MMP21: variants seen among roughly 807,000 people sequenced by gnomAD.
MMP21 encodes matrix metallopeptidase 21, also known as matrix metalloproteinase-21.
A neutral mutation model predicts 47.8 loss-of-function variants in MMP21; 40 were observed. That is an observed-to-expected ratio of 0.84 (90% confidence interval 0.65 to 1.09). The LOEUF is 1.09. Ranked by LOEUF, MMP21 falls within the 50% of genes least tolerant of loss-of-function variation. The pLI, the probability that MMP21 is intolerant of heterozygous loss-of-function variation, is 0.00. For missense variants in MMP21, 747 were observed against 775.3 expected (o/e 0.96, Z 0.43); for synonymous variants, 341 against 318.0 (o/e 1.07, Z -0.77).
rs1554879226 is a variant in MMP21 at position 125,770,328 on chromosome 10, C to G, written c.1237+6G>C. The G allele has an allele frequency of 6.2e-7, 1 of 1,614,036 alleles. No individual in the cohort carries two copies. The highest frequency in any genetic ancestry group is 1.7e-5 in the Admixed American group (1 of 60,016). On this transcript the variant is annotated splice_donor_region_variant and intron_variant, in intron 5 of 6. Transcript: ENST00000368808. ...AGAAATAGAACCATCCATGAAGAAT[C>G]TGTACCTTGAAAAAAATAACGTTCA... is the stretch of plus-strand genomic sequence containing the variant.
chr10:125,768,213 T>G (rs1036590196), intron 5 of MMP21, among the ~76,000 whole-genome samples: 3 of 152,218 alleles, frequency 2.0e-5, no homozygotes, highest in African/African-American at 7.2e-5. Flanking sequence ...TTGAGTGTTT[T>G]AGAGTCCCCT....
At chr10:125,767,154 C>T (rs1358084028) in intron 6 of MMP21, among the ~76,000 whole-genome samples, 193 bp from the exon 7 acceptor site, 1 of 151,206 alleles carries the variant, frequency 6.6e-6, no homozygotes, top group African/African-American at 2.4e-5. Flanking sequence ...TTTTTTGGGC[C>T]CGGTCTCACT....
chr10:125,770,442 C>T lies in MMP21; in HGVS notation c.1129G>A (p.Gly377Arg), dbSNP rs147129223. ...CCAGTGAGGATTTGGATAGGGTCCC[C>T]ATAGCGTGTCCTATTGTTTCGATTT... Reference protein sequence around the residue: ...YENRNNRTRYGDPIQILTGWP... With the variant: ...YENRNNRTRYRDPIQILTGWP... The change falls in exon 5 of 7, where the codon GGG becomes AGG. Residue 377 changes from glycine to arginine, a missense_variant. By Grantham distance (125) the Gly-to-Arg change is moderately radical. Transcript: ENST00000368808. 6.2e-7 allele frequency: 1 copy of T among 1,614,210 alleles called. No individual in the cohort carries two copies.
At chr10:125,769,148 T>C (rs997920687) in intron 5 of MMP21, among the ~76,000 whole-genome samples, 1 of 152,190 alleles carries the variant, frequency 6.6e-6, no homozygotes, top group Non-Finnish European at 1.5e-5. Flanking sequence ...CTGTGCTGTC[T>C]GGTTTTGCAA....
chr10:125,769,819 GTTCA>G (rs1564762404), intron 5 of MMP21, among the ~76,000 whole-genome samples: 1 of 152,144 alleles, frequency 6.6e-6, no homozygotes, highest in African/African-American at 2.4e-5. Flanking sequence ...ACCTAGGAAA[GTTCA>G]TTCACTCATT....
At chr10:125,767,141 T>G (rs1329815401) in intron 6 of MMP21, among the ~76,000 whole-genome samples, 180 bp from the exon 7 acceptor site, 5 of 151,364 alleles carry the variant, frequency 3.3e-5, no homozygotes, top group African/African-American at 4.9e-5. Flanking sequence ...CGTTTTTTGT[T>G]TTTTTTTTGG....
intron 1 of MMP21, among the ~76,000 whole-genome samples, chr10:125,774,682 G>A (rs1048142959): frequency 6.6e-6 from 1 of 152,204 alleles, no homozygotes; most frequent in South Asian, 2.1e-4. Context: ...CCTAGGGCCG[G>A]AGGAGCAGGA....
Position 125,774,124 on chromosome 10 carries a change from C to T in MMP21, c.404G>A (p.Gly135Asp). 1 of 1,303,098 alleles carries T rather than the reference C, an allele frequency of 7.7e-7. No individual in the cohort carries two copies. Among genetic ancestry groups the T allele is most frequent in the Non-Finnish European group, 9.7e-7 (1 of 1,031,140 alleles). 80.7% of individuals were successfully genotyped at this position (1,303,098 alleles called of 1,614,324 possible). ...CCTGGAGCGGGCTCTGGGGGGCGGG[C>T]CCGGGGGCGAAGGCGGGGCGGAGGG... Reference protein sequence around the residue: ...PPPSAPPSPPGPPPRARSRRS... With the variant: ...PPPSAPPSPPDPPPRARSRRS... The change falls in exon 2 of 7, where the codon GGC (glycine) becomes GAC (aspartate). Residue 135 changes from glycine (G) to aspartate (D), a missense_variant. Physicochemically the swap from Gly to Asp is moderately conservative, Grantham distance 94. Coordinates refer to ENST00000368808, the MANE Select transcript of MMP21 (RefSeq NM_147191.1).
At chr10:125,768,455 C>G (rs985608567) in intron 5 of MMP21, among the ~76,000 whole-genome samples, 2 of 152,198 alleles carry the variant, frequency 1.3e-5, no homozygotes, top group Admixed American at 1.3e-4. Flanking sequence ...TTAGCTGCTT[C>G]TTGTTAGTTC....
rs1409755193 is a variant in MMP21, at chr10:125,772,996, T to C, written c.698-246A>G. On this transcript the variant is annotated intron_variant, in intron 2 of 6. Transcript: ENST00000368808. This position sits in a 1 kb window ranked among gnomAD's most constrained non-coding sequence, Gnocchi z 5.6. The stretch of plus-strand genomic sequence containing the variant: ...GGGAGCAGAGGGGAGCGGGGCTGGG[T>C]GAGAGCCCGGCTGGGGGCCTGGGAA... Among the ~76,000 whole-genome samples the C allele has an allele frequency of 2.0e-5, 3 of 152,038 alleles. No individual in the cohort carries two copies. The highest frequency in any genetic ancestry group is 7.2e-5 in the African/African-American group (3 of 41,394).
chr10:125,772,519 CGGACACTACATGAGAAAAGCTT>C lies in MMP21; in HGVS notation c.837+70_837+91del. On this transcript the variant is annotated intron_variant, in intron 3 of 6. Coordinates refer to ENST00000368808, the MANE Select transcript of MMP21 (RefSeq NM_147191.1). The surrounding 1 kb of genome is among the most constrained non-coding windows in gnomAD (Gnocchi z 5.6). ...CACGGATTCACCTCCTCAGAGGTTG[CGGACACTACATGAGAAAAGCTT>C]GGACTTTTTGGACGTCAGCCCATGA... 6.3e-7 allele frequency: 1 copy of C among 1,588,962 alleles called. No individual in the cohort carries two copies. The highest frequency in any genetic ancestry group is 8.6e-7 in the Non-Finnish European group (1 of 1,160,118).
chr10:125,768,556 G>A (rs1215106412), intron 5 of MMP21, among the ~76,000 whole-genome samples: 1 of 152,204 alleles, frequency 6.6e-6, no homozygotes, highest in Non-Finnish European at 1.5e-5. Flanking sequence ...ACCCCAAGCA[G>A]TACGTTCCTT....
intron 4 of MMP21, among the ~76,000 whole-genome samples, chr10:125,771,394 CTGTT>C (rs1850444139): frequency 6.6e-6 from 1 of 150,884 alleles, no homozygotes; most frequent in Admixed American, 6.6e-5. Flanking sequence ...GGGGTGGTCT[CTGTT>C]AGGGACTATT....
At chr10:125,767,998 C>T (rs760185375) in intron 5 of MMP21, among the ~76,000 whole-genome samples, 3 of 152,276 alleles carry the variant, frequency 2.0e-5, no homozygotes, top group Non-Finnish European at 2.9e-5. Context: ...ATCATCCTCC[C>T]GGCTCTCATC....
Position 125,770,357 on chromosome 10 carries a change from CTT to C in MMP21, c.1212_1213del (p.Asp406Ter). The C allele has an allele frequency of 6.2e-7, 1 of 1,614,192 alleles. No homozygotes were observed. The highest frequency in any genetic ancestry group is 8.5e-7 in the Non-Finnish European group (1 of 1,180,016). On this transcript the variant is annotated frameshift_variant, in exon 5 of 7. Transcript: ENST00000368808. LOFTEE classifies it high-confidence loss of function. ...ACCTTGAAAAAAATAACGTTCATCT[CTT>C]TTCCATGTCCAGATGTGAACAAAGG... is the stretch of plus-strand genomic sequence containing the variant.
chr10:125,772,118 C>G lies in MMP21; in HGVS notation c.979+100G>C. 7.0e-7 allele frequency: 1 copy of G among 1,436,928 alleles called. No homozygotes were observed. Among genetic ancestry groups the G allele is most frequent in the East Asian group, 2.3e-5 (1 of 43,992 alleles). 89.0% of individuals were successfully genotyped at this position (1,436,928 alleles called of 1,614,324 possible). ...GACATGAGTTGTACAACGTTGCGCT[C>G]TTAGGCCCAGTTTCCCAGTGAGGAG... On this transcript the variant is annotated intron_variant, in intron 4 of 6. Transcript: ENST00000368808. This position sits in a 1 kb window ranked among gnomAD's most constrained non-coding sequence, Gnocchi z 5.6.
At chr10:125,770,865 T>C (rs1352914294) in intron 4 of MMP21, among the ~76,000 whole-genome samples, 1 of 145,190 alleles carries the variant, frequency 6.9e-6, no homozygotes, top group South Asian at 2.2e-4. Flanking sequence ...AAAAAAAAAA[T>C]ACAAAAAGTA....
chr10:125,767,083 A>G (rs112306859), intron 6 of MMP21, 122 bp from the exon 7 acceptor site: 10 of 792,922 alleles, frequency 1.3e-5, no homozygotes, highest in African/African-American at 1.2e-4. Flanking sequence ...GAACTTCTTA[A>G]TTTTCCATCA....
Position 125,770,485 on chromosome 10 carries a change from G to T in MMP21, c.1086C>A (p.Ser362Arg). 1.2e-6 allele frequency: 2 copies of T among 1,614,158 alleles called. No homozygotes were observed. Among genetic ancestry groups the T allele is most frequent in the Non-Finnish European group, 1.7e-6 (2 of 1,180,048 alleles). The change falls in exon 5 of 7, where the codon AGC becomes AGA. Residue 362 changes from serine (S) to arginine (R), a missense_variant. By Grantham distance (110) the Ser-to-Arg change is moderately radical (BLOSUM62 -1). Coordinates refer to ENST00000368808, the MANE Select transcript of MMP21 (RefSeq NM_147191.1). ...VRFSTYFFRN[S>R]WYWLYENRNN... is the part of the protein sequence containing the mutation. ...TTCGATTTTCATAAAGCCAGTACCAGCTGTTACGGAAGAAATATGTGCTAA... is the reference window on the plus strand; with the variant it reads ...TTCGATTTTCATAAAGCCAGTACCATCTGTTACGGAAGAAATATGTGCTAA...
Sources: gnomAD v4.1 joint callset for allele counts (sites outside exome capture counted in the v4.1 genomes callset) on GRCh38, gnomAD v4.1.1 for gene constraint, Gnocchi (gnomAD v3.1) non-coding constraint, MANE v1.5 for transcripts, NCBI Gene and HGNC (gene_info 2026-07-23, HGNC 2026-07-21) for gene names.